Variants in GLIS3 observed in about 807,000 individuals in gnomAD.
GLIS3 encodes zinc finger protein GLIS3.
A neutral mutation model predicts 78.6 loss-of-function variants in GLIS3; 53 were observed. The ratio of observed to expected loss-of-function variants is 0.67; its 90% CI spans 0.54 to 0.85. GLIS3 has a LOEUF of 0.85. Ranked by LOEUF, GLIS3 falls within the 40% of genes least tolerant of loss-of-function variation. The probability of loss-of-function intolerance (pLI) is 0.00; values close to 1 mark genes in which losing one functional copy is unlikely to be tolerated. For missense variants in GLIS3, 1,703 were observed against 1,231.1 expected (o/e 1.38, Z -5.74); for synonymous variants, 684 against 509.9 (o/e 1.34, Z -4.60).
the GLIS3 span, among the ~76,000 whole-genome samples, chr9:4,455,515 A>G: frequency 6.6e-6 from 1 of 152,124 alleles, no homozygotes; most frequent in Non-Finnish European, 1.5e-5. Context: ...CTGTCACTAA[A>G]CAAGTTATCC....
chr9:4,410,777 T>A, the GLIS3 span, among the ~76,000 whole-genome samples: 4 of 152,246 alleles, frequency 2.6e-5, no homozygotes, highest in African/African-American at 4.8e-5. Context: ...CATATTTAAC[T>A]GCCAGCCAAA....
intron 2 of GLIS3, among the ~76,000 whole-genome samples, chr9:4,193,176 G>A (rs185473588): frequency 6.6e-6 from 1 of 152,340 alleles, no homozygotes; most frequent in East Asian, 1.9e-4. Context: ...TATAGCCTGC[G>A]AGACTTTTGT....
intron 4 of GLIS3, among the ~76,000 whole-genome samples, chr9:4,069,879 CTG>C (rs1474903558): frequency 2.0e-5 from 3 of 151,912 alleles, no homozygotes; most frequent in Non-Finnish European, 2.9e-5. Flanking sequence ...AGGTGTAACT[CTG>C]AGAATTTCCA....
chr9:3,846,933 C>T (rs1421994706), intron 9 of GLIS3, among the ~76,000 whole-genome samples: 3 of 152,196 alleles, frequency 2.0e-5, no homozygotes, highest in African/African-American at 7.2e-5. Context: ...GCTGTAATCC[C>T]AGCACTTTGG....
intron 6 of GLIS3, among the ~76,000 whole-genome samples, chr9:3,917,281 C>G (rs2130711977): frequency 6.6e-6 from 1 of 152,244 alleles, no homozygotes; most frequent in South Asian, 2.1e-4. Context: ...GCCAAAGGGG[C>G]AATACCACGA....
At chr9:4,125,254 C>G (rs914000987) in intron 3 of GLIS3, among the ~76,000 whole-genome samples, 4 of 152,130 alleles carry the variant, frequency 2.6e-5, no homozygotes, top group African/African-American at 9.7e-5. Flanking sequence ...ATTATGCAGA[C>G]AGTAGGAACT....
the GLIS3 span, among the ~76,000 whole-genome samples, chr9:4,370,982 C>T: frequency 6.6e-6 from 1 of 152,142 alleles, no homozygotes; most frequent in African/African-American, 2.4e-5. Flanking sequence ...AAAGATTAAG[C>T]TACTGAAGAT....
intron 2 of GLIS3, chr9:4,285,602 T>A (rs186757189): frequency 2.2e-3 from 344 of 154,652 alleles, no homozygotes; most frequent in Non-Finnish European, 4.1e-3. Context: ...AAACACCACC[T>A]TTCTTCTACA....
At chr9:3,988,898 A>T (rs781357592) in intron 4 of GLIS3, among the ~76,000 whole-genome samples, 1 of 152,168 alleles carries the variant, frequency 6.6e-6, no homozygotes, top group Non-Finnish European at 1.5e-5. Flanking sequence ...TGATCCATAA[A>T]ATGTATAAAT....
At chr9:4,466,914 A>T in the GLIS3 span, among the ~76,000 whole-genome samples, 1 of 152,166 alleles carries the variant, frequency 6.6e-6, no homozygotes, top group Non-Finnish European at 1.5e-5. Context: ...GTACCTGGAA[A>T]ATTGGAACAC....
the GLIS3 span, among the ~76,000 whole-genome samples, chr9:4,383,034 C>T: frequency 3.3e-5 from 5 of 152,128 alleles, no homozygotes; most frequent in Non-Finnish European, 7.4e-5. Context: ...GAAACCTTGC[C>T]AAGAAAATAG....
intron 7 of GLIS3, among the ~76,000 whole-genome samples, chr9:3,887,497 A>G (rs896074568): frequency 3.3e-5 from 5 of 152,206 alleles, no homozygotes; most frequent in Admixed American, 2.6e-4. Flanking sequence ...CAAAATGAGA[A>G]TTTATTGATG....
chr9:4,060,643 G>A (rs970693085), intron 4 of GLIS3, among the ~76,000 whole-genome samples: 1 of 152,180 alleles, frequency 6.6e-6, no homozygotes. Context: ...GTGATACCCT[G>A]TGTGCCTCAG....
chr9:4,379,929 A>G, the GLIS3 span, among the ~76,000 whole-genome samples: 1 of 152,048 alleles, frequency 6.6e-6, no homozygotes, highest in Admixed American at 6.6e-5. Flanking sequence ...AAACCAAAAA[A>G]AAAGGAGGTC....
At chr9:4,120,679 C>T (rs1366339576) in intron 3 of GLIS3, among the ~76,000 whole-genome samples, 1 of 152,122 alleles carries the variant, frequency 6.6e-6, no homozygotes, top group Non-Finnish European at 1.5e-5. Flanking sequence ...GACTGCTTTA[C>T]ACCCGCAGGT....
intron 4 of GLIS3, among the ~76,000 whole-genome samples, chr9:4,054,835 T>C (rs1826016500): frequency 1.3e-5 from 2 of 152,138 alleles, no homozygotes; most frequent in South Asian, 2.1e-4. Flanking sequence ...TTTTCCACAT[T>C]TTGCCCCTTG....
chr9:4,355,390 C>T, the GLIS3 span, among the ~76,000 whole-genome samples: 4 of 152,130 alleles, frequency 2.6e-5, no homozygotes, highest in African/African-American at 9.7e-5. Flanking sequence ...TGGCTGATAT[C>T]TTGTAGGTGC....
At chr9:3,916,068 T>TAGAA (rs1181987311) in intron 6 of GLIS3, among the ~76,000 whole-genome samples, 1 of 151,738 alleles carries the variant, frequency 6.6e-6, no homozygotes, top group Non-Finnish European at 1.5e-5. Context: ...AAACAAAGAG[T>TAGAA]AGAAACATTA....
intron 3 of GLIS3, among the ~76,000 whole-genome samples, chr9:4,124,853 T>C (rs373923046): frequency 6.6e-6 from 1 of 152,242 alleles, no homozygotes; most frequent in Non-Finnish European, 1.5e-5. Context: ...ACCATAGTTA[T>C]GGCAGAACTA....
Sources: allele counts gnomAD v4.1 joint callset (sites outside exome capture counted in the v4.1 genomes callset), GRCh38; gene constraint gnomAD v4.1.1; transcripts MANE v1.5; gene names NCBI Gene and HGNC (gene_info 2026-07-23, HGNC 2026-07-21).